The following ZIM2 variants were observed in gnomAD, a reference collection of about 807,000 sequenced individuals.
ZIM2 encodes zinc finger imprinted 2.
A neutral mutation model predicts 38.6 loss-of-function variants in ZIM2; 14 were observed. The observed-to-expected ratio is 0.36, with a 90% CI of 0.24 to 0.57. The LOEUF (loss-of-function observed/expected upper bound fraction) is 0.57, where lower values mean the gene tolerates loss of function less well. Ranked by LOEUF, ZIM2 falls within the 20% of genes least tolerant of loss-of-function variation. ZIM2 has a pLI of 0.81. For missense variants in ZIM2, 680 were observed against 695.1 expected (o/e 0.98, Z 0.24); for synonymous variants, 247 against 245.8 (o/e 1.00, Z -0.04).
At chr19:56,783,197 A>G (rs2046415620) in intron 10 of ZIM2, among the ~76,000 whole-genome samples, 1 of 152,342 alleles carries the variant, frequency 6.6e-6, no homozygotes, top group Non-Finnish European at 1.5e-5. Flanking sequence ...AGAAGAGATA[A>G]ATATAGTATA....
rs370078946 is a variant in ZIM2, at chr19:56,799,834, C to T, written c.491-9883G>A. On this transcript the variant is annotated intron_variant, in intron 9 of 12. Coordinates refer to ENST00000629319, the MANE Select transcript of ZIM2 (RefSeq NM_001387356.1). ...ATAACCAAAGTATGCTAGGTTCATG[C>T]GATGGAATACTACACTCAGCAAAAA... Among the ~76,000 whole-genome samples the T allele has an allele frequency of 6.6e-5, 10 of 152,210 alleles. No homozygotes were observed. The East Asian group carries it at 1.2e-3, about 18-fold the overall frequency.
chr19:56,834,474 G>A (rs894053132), intron 2 of ZIM2, among the ~76,000 whole-genome samples: 2 of 152,308 alleles, frequency 1.3e-5, no homozygotes. Context: ...TACAGGGAGA[G>A]AATTTGCTGA....
At chr19:56,795,326 C>A (rs2047145182) in intron 9 of ZIM2, among the ~76,000 whole-genome samples, 1 of 152,246 alleles carries the variant, frequency 6.6e-6, no homozygotes, top group Non-Finnish European at 1.5e-5. Flanking sequence ...GCCGCGGAGT[C>A]TTCCTCACGA....
At chr19:56,778,687 G>A (rs1246362869) in intron 12 of ZIM2, among the ~76,000 whole-genome samples, 1 of 152,164 alleles carries the variant, frequency 6.6e-6, no homozygotes, top group Non-Finnish European at 1.5e-5. Flanking sequence ...CAGCTGATCA[G>A]TATTATAGGC....
chr19:56,824,532 A>C (rs2060827074), intron 3 of ZIM2, 105 bp from the exon 4 acceptor site: 1 of 1,614,132 alleles, frequency 6.2e-7, no homozygotes, highest in Non-Finnish European at 8.5e-7. Flanking sequence ...AAAAACTCAG[A>C]GTCAGTTGGA....
intron 7 of ZIM2, 108 bp from the exon 8 acceptor site, chr19:56,818,810 T>G: frequency 7.8e-7 from 1 of 1,283,546 alleles, no homozygotes; most frequent in Non-Finnish European, 1.1e-6. Context: ...ATATAGGAAG[T>G]GCTCACGGTA....
chr19:56,787,915 C>T (rs139748017), intron 10 of ZIM2, among the ~76,000 whole-genome samples: 1 of 151,900 alleles, frequency 6.6e-6, no homozygotes, highest in East Asian at 1.9e-4. Context: ...GTTTGTATTT[C>T]TGTGGGATCA....
At chr19:56,790,170 C>T (rs2046853363) in intron 9 of ZIM2, 3 of 395,710 alleles carry the variant, frequency 7.6e-6, no homozygotes, top group Non-Finnish European at 1.3e-5. Context: ...TTCAATGGCT[C>T]CCACTGCCTT....
intron 12 of ZIM2, among the ~76,000 whole-genome samples, chr19:56,777,976 G>A (rs979235656): frequency 6.6e-6 from 1 of 152,088 alleles, no homozygotes; most frequent in Non-Finnish European, 1.5e-5. Context: ...CCTGGCACTT[G>A]CTGTTCGCTC....
intron 9 of ZIM2, chr19:56,816,337 T>C: frequency 1.2e-6 from 2 of 1,614,174 alleles, no homozygotes; most frequent in South Asian, 1.1e-5. Context: ...TTTCTGATGC[T>C]CACTGAGCTC....
chr19:56,824,728 C>G, intron 3 of ZIM2: 1 of 1,410,240 alleles, frequency 7.1e-7, no homozygotes, highest in Non-Finnish European at 9.7e-7. Flanking sequence ...CTGTGACCGT[C>G]AGTACTCAGG....
chr19:56,788,405 G>A (rs558002813), intron 10 of ZIM2, among the ~76,000 whole-genome samples: 44 of 152,134 alleles, frequency 2.9e-4, no homozygotes, highest in African/African-American at 7.0e-4. Context: ...CCATATAATC[G>A]TGCGGTTTTG....
At chr19:56,817,349 C>G (rs1166849523) in intron 9 of ZIM2, 1 of 1,613,938 alleles carries the variant, frequency 6.2e-7, no homozygotes, top group African/African-American at 1.3e-5. Context: ...CCTTCATAAA[C>G]CCGCTGCTGG....
intron 10 of ZIM2, among the ~76,000 whole-genome samples, chr19:56,787,960 T>G (rs1360600558): frequency 6.6e-6 from 1 of 152,080 alleles, no homozygotes. Context: ...TCTTTTTGAT[T>G]TTTTATTGTG....
chr19:56,812,821 A>AG (rs1207585790), intron 9 of ZIM2: 6 of 980,300 alleles, frequency 6.1e-6, no homozygotes, highest in Non-Finnish European at 7.3e-6. Context: ...AGTTGGTTAA[A>AG]AAAAAAAAAA....
chr19:56,817,197 G>A, intron 9 of ZIM2: 1 of 1,614,142 alleles, frequency 6.2e-7, no homozygotes, highest in Non-Finnish European at 8.5e-7. Context: ...CACATTCAAA[G>A]GGCTTCTTCC....
At chr19:56,825,567 CT>C (rs5828698) in intron 3 of ZIM2, among the ~76,000 whole-genome samples, 1 of 151,720 alleles carries the variant, frequency 6.6e-6, no homozygotes, top group Admixed American at 6.6e-5. Context: ...TCAATCTCTC[CT>C]TTTTTTTATG....
chr19:56,838,509 C>A (rs1304897077), intron 1 of ZIM2, among the ~76,000 whole-genome samples: 3 of 152,128 alleles, frequency 2.0e-5, no homozygotes, highest in Non-Finnish European at 4.4e-5. Context: ...CCTCGCAGCT[C>A]CCCCACTAAG....
chr19:56,786,031 T>C (rs1273990942), intron 10 of ZIM2, among the ~76,000 whole-genome samples: 1 of 152,060 alleles, frequency 6.6e-6, no homozygotes, highest in African/African-American at 2.4e-5. Flanking sequence ...CACTCTCCAT[T>C]TCCCTCCAAC....
Sources: allele counts gnomAD v4.1 joint callset (sites outside exome capture counted in the v4.1 genomes callset), GRCh38; gene constraint gnomAD v4.1.1; transcripts MANE v1.5; gene names NCBI Gene and HGNC (gene_info 2026-07-23, HGNC 2026-07-21).